The following PPP1R12A variants were observed in gnomAD, a reference collection of about 807,000 sequenced individuals.
PPP1R12A encodes protein phosphatase 1 regulatory subunit 12A, also known as myosin binding subunit.
PPP1R12A carries 19 observed loss-of-function variants against 139.6 expected under a neutral mutation model. The observed-to-expected ratio is 0.14, with a 90% CI of 0.09 to 0.20. The LOEUF is 0.20. Among genes scored for constraint, PPP1R12A ranks in the 10% least tolerant of loss-of-function variants. The probability of loss-of-function intolerance (pLI) is 1.00; values close to 1 mark genes in which losing one functional copy is unlikely to be tolerated. For missense variants in PPP1R12A, 925 were observed against 1,211.5 expected (o/e 0.76, Z 3.51); for synonymous variants, 427 against 420.6 (o/e 1.02, Z -0.19).
At chr12:79,888,194 A>G (rs1884278058) in intron 1 of PPP1R12A, among the ~76,000 whole-genome samples, 1 of 152,168 alleles carries the variant, frequency 6.6e-6, no homozygotes. Context: ...ACACGTAACT[A>G]AACACACAAC....
rs188114026 is a variant in PPP1R12A at position 79,919,422 on chromosome 12, G to A, written c.237+15273C>T. 5.1e-4 allele frequency among the ~76,000 whole-genome samples: 78 copies of A among 151,672 alleles called. No homozygotes were observed. In the East Asian group the frequency reaches 0.015, roughly 29 times the overall value. ...ATACAAAAATTAGCCAGGCATGGTG[G>A]TGCATGCCTGTAATCTCAGCTACTC... On this transcript the variant is annotated intron_variant, in intron 1 of 24. Coordinates refer to ENST00000450142, the MANE Select transcript of PPP1R12A (RefSeq NM_002480.3).
chr12:79,914,190 G>C (rs79758919), intron 1 of PPP1R12A, among the ~76,000 whole-genome samples: 2,442 of 151,620 alleles, frequency 0.016, 29 homozygotes, highest in Non-Finnish European at 0.023. Context: ...AACCTCTTTG[G>C]GTTCCTCAAT....
At chr12:79,813,920 G>C (rs376876338) in intron 9 of PPP1R12A, among the ~76,000 whole-genome samples, 12 of 152,152 alleles carry the variant, frequency 7.9e-5, no homozygotes, top group East Asian at 5.8e-4. Context: ...TTATGTACTG[G>C]GGTAGGAAGC....
At chr12:79,910,687 T>A (rs924431021) in intron 1 of PPP1R12A, among the ~76,000 whole-genome samples, 3 of 152,148 alleles carry the variant, frequency 2.0e-5, no homozygotes, top group African/African-American at 7.2e-5. Flanking sequence ...CAAACACACA[T>A]AAACACATCT....
chr12:79,857,917 T>C (rs1592723862), intron 2 of PPP1R12A, among the ~76,000 whole-genome samples: 1 of 152,148 alleles, frequency 6.6e-6, no homozygotes, highest in Admixed American at 6.5e-5. Flanking sequence ...TTCCCATAAA[T>C]TTCCATGAAA....
chr12:79,850,614 A>G (rs1013543003), intron 2 of PPP1R12A, among the ~76,000 whole-genome samples: 1 of 152,090 alleles, frequency 6.6e-6, no homozygotes. Flanking sequence ...TTTAATGTAT[A>G]TTTTCTTATT....
intron 1 of PPP1R12A, among the ~76,000 whole-genome samples, chr12:79,880,289 G>T (rs1028755615): frequency 6.6e-6 from 1 of 152,086 alleles, no homozygotes; most frequent in Non-Finnish European, 1.5e-5. Flanking sequence ...CTACATATTT[G>T]AGCATAATTT....
intron 2 of PPP1R12A, among the ~76,000 whole-genome samples, chr12:79,849,620 A>C (rs1879814216): frequency 6.6e-6 from 1 of 152,180 alleles, no homozygotes; most frequent in Non-Finnish European, 1.5e-5. Flanking sequence ...CAAACAAACA[A>C]ACAAACAAAA....
chr12:79,815,609 C>G (rs1171356035), intron 9 of PPP1R12A, among the ~76,000 whole-genome samples: 1 of 151,500 alleles, frequency 6.6e-6, no homozygotes, highest in Non-Finnish European at 1.5e-5. Context: ...CTAAACAGAT[C>G]AAAAGATGCA....
At chr12:79,847,854 G>A (rs1179914327) in intron 2 of PPP1R12A, among the ~76,000 whole-genome samples, 1 of 152,068 alleles carries the variant, frequency 6.6e-6, no homozygotes, top group Admixed American at 6.6e-5. Flanking sequence ...ACAAAATAAA[G>A]TCCTGTGATA....
At chr12:79,782,065 G>A in intron 22 of PPP1R12A, 1 of 359,528 alleles carries the variant, frequency 2.8e-6, no homozygotes, top group Non-Finnish European at 5.1e-6. Flanking sequence ...GGTAACCAGA[G>A]CTCTCATTTT....
At chr12:79,805,095 C>T (rs1873661998) in intron 14 of PPP1R12A, among the ~76,000 whole-genome samples, 1 of 152,180 alleles carries the variant, frequency 6.6e-6, no homozygotes, top group Non-Finnish European at 1.5e-5. Flanking sequence ...ATTCAACATA[C>T]TCAAAATTAT....
intron 22 of PPP1R12A, 31 bp from the exon 23 acceptor site, chr12:79,781,893 T>G: frequency 1.4e-6 from 2 of 1,457,092 alleles, no homozygotes; most frequent in Non-Finnish European, 1.9e-6. Flanking sequence ...ATAAAAGAGA[T>G]AAGTGCAAAA....
At chr12:79,803,908 A>C (rs1873501241) in intron 14 of PPP1R12A, among the ~76,000 whole-genome samples, 1 of 152,156 alleles carries the variant, frequency 6.6e-6, no homozygotes, top group African/African-American at 2.4e-5. Flanking sequence ...CAGAATAAAC[A>C]ATCTGTGGGT....
intron 4 of PPP1R12A, among the ~76,000 whole-genome samples, chr12:79,831,373 A>T (rs1345096789): frequency 6.6e-6 from 1 of 152,160 alleles, no homozygotes; most frequent in Non-Finnish European, 1.5e-5. Flanking sequence ...ACTTGAGCCC[A>T]GGAGTTCAAG....
chr12:79,891,242 T>C (rs904916221), intron 1 of PPP1R12A, among the ~76,000 whole-genome samples: 1 of 152,068 alleles, frequency 6.6e-6, no homozygotes, highest in Non-Finnish European at 1.5e-5. Context: ...ATTGAAAAAA[T>C]CTTATATGGT....
intron 14 of PPP1R12A, 132 bp from the exon 15 acceptor site, chr12:79,798,716 G>A: frequency 2.3e-6 from 1 of 426,136 alleles, no homozygotes; most frequent in Non-Finnish European, 4.0e-6. Flanking sequence ...TTCAGAAAAT[G>A]GTCTTTGAAA....
chr12:79,902,423 A>G (rs928960955), intron 1 of PPP1R12A, among the ~76,000 whole-genome samples: 5 of 152,162 alleles, frequency 3.3e-5, no homozygotes, highest in African/African-American at 4.8e-5. Flanking sequence ...TTTATGCTAG[A>G]GTCTTGAAAT....
chr12:79,783,840 T>C (rs1349093708), intron 22 of PPP1R12A, among the ~76,000 whole-genome samples: 1 of 152,218 alleles, frequency 6.6e-6, no homozygotes, highest in African/African-American at 2.4e-5. Context: ...TTAGTTAACT[T>C]TCTTGTTAAA....
Sources: gnomAD v4.1 joint callset for allele counts (sites outside exome capture counted in the v4.1 genomes callset) on GRCh38, gnomAD v4.1.1 for gene constraint, MANE v1.5 for transcripts, NCBI Gene and HGNC (gene_info 2026-07-23, HGNC 2026-07-21) for gene names.